Variants in GREM2 observed in about 807,000 individuals in gnomAD.
GREM2 encodes gremlin-2.
Under a neutral mutation model 14.2 loss-of-function variants are expected in GREM2, and 11 were observed. That is an observed-to-expected ratio of 0.78 (90% confidence interval 0.49 to 1.28). GREM2 has a LOEUF of 1.28. Ranked by LOEUF, GREM2 falls within the 50% of genes most tolerant of loss-of-function variation. GREM2 has a pLI of 0.00. For synonymous variants in GREM2, 98 were observed against 97.6 expected, an observed-to-expected ratio of 1.00 and a Z score of -0.02; for missense variants, 210 against 218.5, an observed-to-expected ratio of 0.96 and a Z score of 0.24.
chr1:240,562,127 GA>G lies in GREM2; in HGVS notation c.-2+49756del, dbSNP rs775888437. On this transcript the variant is annotated intron_variant, in intron 1 of 1. Transcript: ENST00000318160. ...CTTCAAAGATTCTTTACACAAAGGG[GA>G]AAAAAATGAAACATTTTCGGGATGA... Among the ~76,000 whole-genome samples the G allele has an allele frequency of 5.3e-5, 8 of 152,092 alleles. No homozygotes were observed. In the East Asian group the frequency reaches 5.8e-4, roughly 11 times the overall value.
intron 1 of GREM2, among the ~76,000 whole-genome samples, chr1:240,521,337 A>G (rs569327006): frequency 1.7e-4 from 26 of 152,206 alleles, no homozygotes; most frequent in South Asian, 4.1e-4. Context: ...AGCAGGCCGA[A>G]GTGGGCGGAT....
At chr1:240,507,563 C>T (rs1046481877) in intron 1 of GREM2, among the ~76,000 whole-genome samples, 1 of 152,102 alleles carries the variant, frequency 6.6e-6, no homozygotes, top group Admixed American at 6.5e-5. Context: ...AAATTCCTGA[C>T]CTCAAGTGAT....
At chr1:240,513,346 G>A (rs1677877806) in intron 1 of GREM2, among the ~76,000 whole-genome samples, 1 of 152,166 alleles carries the variant, frequency 6.6e-6, no homozygotes, top group Non-Finnish European at 1.5e-5. Context: ...GGAGACCGAG[G>A]CGGGCGGATC....
intron 1 of GREM2, among the ~76,000 whole-genome samples, chr1:240,597,849 G>A (rs899884094): frequency 2.0e-5 from 3 of 151,944 alleles, no homozygotes; most frequent in African/African-American, 7.3e-5. Context: ...ATGCACCCCC[G>A]AAACATTTTC....
intron 1 of GREM2, chr1:240,530,938 T>A (rs890676003): frequency 1.1e-4 from 17 of 152,228 alleles, no homozygotes; most frequent in Non-Finnish European, 5.9e-5. Flanking sequence ...GAGCTAACTT[T>A]TGCAGTTTTA....
intron 1 of GREM2, chr1:240,589,002 G>A (rs915393566): frequency 1.3e-5 from 2 of 152,070 alleles, no homozygotes; most frequent in African/African-American, 2.4e-5. Context: ...AAGCACCTGT[G>A]GTTCCAGCTA....
At position 240,490,812 on chromosome 1, in the gene GREM2, T is replaced by C. The variant is rs929689231; in HGVS notation, c.*2157A>G. On this transcript the variant is annotated 3_prime_UTR_variant, in exon 2 of 2. Coordinates refer to ENST00000318160, the MANE Select transcript of GREM2 (RefSeq NM_022469.4). ...TTAATAAAATGATAGGGGTTGGCTCTGCAGCTGGTCAGAGACTCTCCTCCA... is the reference window on the plus strand; with the variant it reads ...TTAATAAAATGATAGGGGTTGGCTCCGCAGCTGGTCAGAGACTCTCCTCCA... 1 of 152,178 alleles carries C rather than the reference T, an allele frequency of 6.6e-6. No homozygotes were observed. Among genetic ancestry groups the C allele is most frequent in the Non-Finnish European group, 1.5e-5 (1 of 68,038 alleles). 9.4% of individuals were successfully genotyped at this position (152,178 alleles called of 1,614,324 possible). A position where few individuals can be genotyped will look rare whatever the true frequency, so the allele number is the denominator to read the frequency against.
chr1:240,599,456 A>G (rs1429538400), intron 1 of GREM2, among the ~76,000 whole-genome samples: 1 of 152,138 alleles, frequency 6.6e-6, no homozygotes, highest in Non-Finnish European at 1.5e-5. Context: ...GTTTTCCTCC[A>G]GGGAGTGACT....
At chr1:240,525,110 CTT>C (rs1444281718) in intron 1 of GREM2, among the ~76,000 whole-genome samples, 19 of 152,312 alleles carry the variant, frequency 1.2e-4, no homozygotes, top group African/African-American at 4.6e-4. Flanking sequence ...TACTCACTTC[CTT>C]TCTCTCCCTT....
At chr1:240,599,760 G>T (rs1414313910) in intron 1 of GREM2, among the ~76,000 whole-genome samples, 1 of 152,204 alleles carries the variant, frequency 6.6e-6, no homozygotes, top group Non-Finnish European at 1.5e-5. Context: ...ACTGGCCAGA[G>T]CTGCTGCTTT....
At chr1:240,518,383 T>C (rs2103299627) in intron 1 of GREM2, among the ~76,000 whole-genome samples, 1 of 152,302 alleles carries the variant, frequency 6.6e-6, no homozygotes, top group East Asian at 1.9e-4. Context: ...ATCTTTATCA[T>C]CAGTTGGAGA....
chr1:240,586,987 A>G (rs1404989191), intron 1 of GREM2, among the ~76,000 whole-genome samples: 1 of 152,176 alleles, frequency 6.6e-6, no homozygotes, highest in Non-Finnish European at 1.5e-5. Context: ...GGAAATATAT[A>G]TAACATACAT....
At chr1:240,608,195 G>A (rs1206118048) in intron 1 of GREM2, among the ~76,000 whole-genome samples, 1 of 152,202 alleles carries the variant, frequency 6.6e-6, no homozygotes, top group East Asian at 1.9e-4. Flanking sequence ...TAAATAATCT[G>A]TGAGATGTGT....
At chr1:240,521,809 T>A (rs1328037786) in intron 1 of GREM2, among the ~76,000 whole-genome samples, 1 of 152,114 alleles carries the variant, frequency 6.6e-6, no homozygotes, top group Admixed American at 6.6e-5. Flanking sequence ...TCTGTGTTTT[T>A]AAAATATAAT....
rs1024716810 is a variant in GREM2 at position 240,490,304 on chromosome 1, C to T, written c.*2665G>A. The T allele has an allele frequency of 5.9e-5, 9 of 152,442 alleles. No individual in the cohort carries two copies. The highest frequency in any genetic ancestry group is 7.3e-5 in the Non-Finnish European group (5 of 68,036). 9.4% of individuals were successfully genotyped at this position (152,442 alleles called of 1,614,324 possible). A position where few individuals can be genotyped will look rare whatever the true frequency, so the allele number is the denominator to read the frequency against. On this transcript the variant is annotated 3_prime_UTR_variant, in exon 2 of 2. Coordinates refer to ENST00000318160, the MANE Select transcript of GREM2 (RefSeq NM_022469.4). ...CCAGGATTGAGGGCCACCTCCATCA[C>T]TTCTGCTCCTTGGATGCCTGATTCT...
In GREM2 at chr1:240,508,639, T is replaced by C. The variant is rs181342891; in HGVS notation, c.-1-15163A>G. Among the ~76,000 whole-genome samples the C allele has an allele frequency of 2.8e-3, 433 of 152,386 alleles. 1 individual carries two copies. Among genetic ancestry groups the C allele is most frequent in the Middle Eastern group, 0.017 (5 of 294 alleles). On this transcript the variant is annotated intron_variant, in intron 1 of 1. Coordinates refer to ENST00000318160, the MANE Select transcript of GREM2 (RefSeq NM_022469.4). ...GCCAAGCTTATCAAGTATTTTTTAA[T>C]ACATTGTTTCCAAACACAAGTATTG... is the stretch of plus-strand genomic sequence containing the variant.
chr1:240,576,394 G>T (rs1328258039), intron 1 of GREM2, among the ~76,000 whole-genome samples: 2 of 152,174 alleles, frequency 1.3e-5, no homozygotes, highest in African/African-American at 4.8e-5. Flanking sequence ...TAGAGTGTGA[G>T]GAAGTTTTTG....
At chr1:240,580,238 A>G (rs955011384) in intron 1 of GREM2, among the ~76,000 whole-genome samples, 1 of 152,140 alleles carries the variant, frequency 6.6e-6, no homozygotes, top group African/African-American at 2.4e-5. Flanking sequence ...TTAAATAAGA[A>G]ATTTAAATAC....
At chr1:240,522,013 GGGAGGCTGATGTA>G (rs1678110855) in intron 1 of GREM2, among the ~76,000 whole-genome samples, 1 of 150,962 alleles carries the variant, frequency 6.6e-6, no homozygotes, top group African/African-American at 2.4e-5. Context: ...CCAGCTACTC[GGGAGGCTGATGTA>G]GGAGGATTGC....
Sources: allele counts gnomAD v4.1 joint callset (sites outside exome capture counted in the v4.1 genomes callset), GRCh38; gene constraint gnomAD v4.1.1; transcripts MANE v1.5; gene names NCBI Gene and HGNC (gene_info 2026-07-23, HGNC 2026-07-21).